The following FNIP2 variants were observed in gnomAD, a reference collection of about 807,000 sequenced individuals.
FNIP2 encodes the protein folliculin interacting protein 2.
In FNIP2, 32 loss-of-function variants were observed where a neutral mutation model predicts 108.7. That is an observed-to-expected ratio of 0.29 (90% CI 0.22 to 0.40). The LOEUF is 0.40. FNIP2 is among the 10% of genes least tolerant of loss of function. The pLI is 1.00. For missense variants in FNIP2, 1,202 were observed against 1,381.6 expected (o/e 0.87, Z 2.06); for synonymous variants, 480 against 496.7 (o/e 0.97, Z 0.45).
chr4:158,822,347 T>A (rs1777931365), intron 1 of FNIP2, among the ~76,000 whole-genome samples: 1 of 152,016 alleles, frequency 6.6e-6, no homozygotes. Context: ...CGTGCCCAGC[T>A]AACTTTTTGT....
At chr4:158,879,334 G>A (rs1781457147) in intron 14 of FNIP2, among the ~76,000 whole-genome samples, 1 of 150,644 alleles carries the variant, frequency 6.6e-6, no homozygotes, top group Non-Finnish European at 1.5e-5. Flanking sequence ...TGAAAATAGT[G>A]TGGTCAAGTG....
chr4:158,834,307 TCTCTCTCTCTCTCTCTCTCTCTCC>T (rs999521757), intron 6 of FNIP2: 6 of 148,916 alleles, frequency 4.0e-5, no homozygotes, highest in African/African-American at 1.5e-4. Context: ...TCTCTCTCTC[TCTCTCTCTCTCTCTCTCTCTCTCC>T]CTCTCTAAGT....
chr4:158,805,076 G>A (rs1776895982), intron 1 of FNIP2, among the ~76,000 whole-genome samples: 1 of 152,200 alleles, frequency 6.6e-6, no homozygotes, highest in African/African-American at 2.4e-5. Flanking sequence ...CACTCATGGA[G>A]TGAAATGTGT....
intron 1 of FNIP2, among the ~76,000 whole-genome samples, chr4:158,781,566 G>C (rs1251768990): frequency 6.6e-6 from 1 of 152,170 alleles, no homozygotes; most frequent in Non-Finnish European, 1.5e-5. Flanking sequence ...CCAGGCTGGA[G>C]TGCAGTGGCG....
At chr4:158,870,238 T>C (rs1476019315) in intron 13 of FNIP2, 75 bp from the exon 14 acceptor site, 9 of 1,478,186 alleles carry the variant, frequency 6.1e-6, no homozygotes. Context: ...ATCATTGGAG[T>C]GCTTGTACCA....
At chr4:158,876,861 T>A (rs1297026299) in intron 14 of FNIP2, among the ~76,000 whole-genome samples, 1 of 152,202 alleles carries the variant, frequency 6.6e-6, no homozygotes, top group Admixed American at 6.5e-5. Context: ...GAGTAAGATG[T>A]TTAGACATGC....
intron 1 of FNIP2, among the ~76,000 whole-genome samples, chr4:158,787,101 CTGT>C (rs766888461): frequency 3.9e-5 from 6 of 152,056 alleles, no homozygotes; most frequent in Non-Finnish European, 8.8e-5. Flanking sequence ...TTGGATTTAG[CTGT>C]TGTTGAGAAA....
At chr4:158,785,458 T>C (rs938459443) in intron 1 of FNIP2, among the ~76,000 whole-genome samples, 7 of 152,186 alleles carry the variant, frequency 4.6e-5, no homozygotes, top group African/African-American at 1.4e-4. Flanking sequence ...CAGAATTTAA[T>C]AAATGTGTTT....
At position 158,886,861 on chromosome 4, in the gene FNIP2, G is replaced by A. The variant is rs1782048867; in HGVS notation, c.2950-4585G>A. Among the ~76,000 whole-genome samples the A allele has an allele frequency of 3.9e-5, 6 of 152,196 alleles. No homozygotes were observed. The South Asian group carries it at 1.2e-3, about 32-fold the overall frequency. On this transcript the variant is annotated intron_variant, in intron 14 of 16. Coordinates refer to ENST00000264433, the MANE Select transcript of FNIP2 (RefSeq NM_020840.3). ...GGTTTGCAGGAGAACTTTTAAAAAA[G>A]GTAACTATACAACGTAGGCTTTTTG...
At chr4:158,890,145 A>G (rs760179589) in intron 14 of FNIP2, 2 of 984,958 alleles carry the variant, frequency 2.0e-6, no homozygotes, top group East Asian at 2.3e-4. Context: ...CAAATTCTTT[A>G]TCTCTCATGT....
chr4:158,835,519 A>G (rs1340487846), intron 7 of FNIP2, 43 bp downstream of exon 7: 3 of 1,566,180 alleles, frequency 1.9e-6, no homozygotes, highest in East Asian at 2.3e-5. Context: ...AGAGTGAACT[A>G]TCTACAGTGG....
intron 1 of FNIP2, among the ~76,000 whole-genome samples, chr4:158,822,649 C>T (rs1390777825): frequency 6.6e-6 from 1 of 152,076 alleles, no homozygotes; most frequent in African/African-American, 2.4e-5. Context: ...AGGTGTATAC[C>T]ATCACAACCA....
intron 16 of FNIP2, 91 bp from the exon 17 acceptor site, chr4:158,904,375 A>G: frequency 5.1e-6 from 6 of 1,173,428 alleles, no homozygotes; most frequent in Non-Finnish European, 7.5e-6. Context: ...CTTAGTACCT[A>G]GAAATAATAC....
chr4:158,881,440 TCTCCCTCTCTTTCCACGGTCTCCC>T (rs2126744200), intron 14 of FNIP2, among the ~76,000 whole-genome samples: 1 of 145,214 alleles, frequency 6.9e-6, no homozygotes, highest in African/African-American at 2.6e-5. Context: ...ACGGTCTCCC[TCTCCCTCTCTTTCCACGGTCTCCC>T]TCTCCCTCTC....
chr4:158,799,066 A>C (rs1180940549), intron 1 of FNIP2, among the ~76,000 whole-genome samples: 1 of 152,264 alleles, frequency 6.6e-6, no homozygotes, highest in Non-Finnish European at 1.5e-5. Flanking sequence ...AGAGCAAGGC[A>C]TATGAGAAGG....
intron 16 of FNIP2, among the ~76,000 whole-genome samples, chr4:158,901,128 ATT>A (rs140017298): frequency 2.5e-4 from 28 of 112,274 alleles, no homozygotes; most frequent in African/African-American, 7.4e-4. Flanking sequence ...CTGGGTTGAA[ATT>A]TTTTTTTTTT....
At position 158,868,412 on chromosome 4, in the gene FNIP2, C is replaced by T; in HGVS notation, c.1776C>T (p.Asn592=). The stretch of plus-strand genomic sequence containing the variant: ...CACCAACAGCAGCAGAGAGACACAA[C>T]CCCTGGCCGACAGGGTTTCCTGAGT... ...ILPPTAAERH[N]PWPTGFPECP... is the part of the protein sequence containing the mutation. The change falls in exon 13 of 17, where the codon AAC becomes AAT. Residue 592 remains asparagine, a synonymous_variant. Transcript: ENST00000264433. The surrounding 1 kb of genome is among the most constrained non-coding windows in gnomAD (Gnocchi z 4.6). 1.2e-6 allele frequency: 2 copies of T among 1,614,008 alleles called. No homozygotes were observed. Among genetic ancestry groups the T allele is most frequent in the African/African-American group, 1.3e-5 (1 of 75,034 alleles).
At chr4:158,876,895 C>T (rs892540781) in intron 14 of FNIP2, among the ~76,000 whole-genome samples, 4 of 152,138 alleles carry the variant, frequency 2.6e-5, no homozygotes, top group Non-Finnish European at 5.9e-5. Flanking sequence ...TGTTCATTGT[C>T]GTTACCTAAA....
intron 14 of FNIP2, among the ~76,000 whole-genome samples, chr4:158,882,471 C>T (rs1467055218): frequency 6.6e-6 from 1 of 152,252 alleles, no homozygotes; most frequent in African/African-American, 2.4e-5. Context: ...AGCCCCTCTG[C>T]CTGGCCGCCA....
Sources: gnomAD v4.1 joint callset for allele counts (sites outside exome capture counted in the v4.1 genomes callset) on GRCh38, gnomAD v4.1.1 for gene constraint, Gnocchi (gnomAD v3.1) non-coding constraint, MANE v1.5 for transcripts, NCBI Gene and HGNC (gene_info 2026-07-23, HGNC 2026-07-21) for gene names.